The following SPEF2 variants were observed in gnomAD, a reference collection of about 807,000 sequenced individuals.
SPEF2 encodes sperm flagellar and cilia associated 2.
SPEF2 carries 187 observed loss-of-function variants against 224.6 expected under a neutral mutation model. That is an observed-to-expected ratio of 0.83 (90% CI 0.74 to 0.94). SPEF2 has a LOEUF of 0.94. Among genes scored for constraint, SPEF2 ranks in the 40% least tolerant of loss-of-function variants. SPEF2 has a pLI of 0.00. For synonymous variants in SPEF2, 715 were observed against 707.3 expected, an observed-to-expected ratio of 1.01 and a Z score of -0.17; for missense variants, 2,170 against 2,135.6, an observed-to-expected ratio of 1.02 and a Z score of -0.32.
intron 9 of SPEF2, among the ~76,000 whole-genome samples, chr5:35,669,546 G>T (rs889764682): frequency 1.3e-5 from 2 of 152,006 alleles, no homozygotes; most frequent in Non-Finnish European, 1.5e-5. Context: ...TTAAGTCCAG[G>T]TATTCCACTT....
Position 35,774,152 on chromosome 5 carries a change from C to T in SPEF2, c.4078+131C>T. ...CATACAGCAAAGAGGTTGAAAAGCA[C>T]AATATTCAGTTGACTGTTTTCGTTT... On this transcript the variant is annotated intron_variant, in intron 28 of 36. Coordinates refer to ENST00000356031, the MANE Select transcript of SPEF2 (RefSeq NM_024867.4). The T allele has an allele frequency of 3.2e-6, 4 of 1,249,984 alleles. No individual in the cohort carries two copies. In the South Asian group the frequency reaches 6.2e-5, roughly 19 times the overall value. 77.4% of individuals were successfully genotyped at this position (1,249,984 alleles called of 1,614,324 possible). A position where few individuals can be genotyped will look rare whatever the true frequency, so the allele number is the denominator to read the frequency against.
At chr5:35,657,495 G>A (rs1459888298) in intron 7 of SPEF2, among the ~76,000 whole-genome samples, 1 of 151,904 alleles carries the variant, frequency 6.6e-6, no homozygotes, top group Non-Finnish European at 1.5e-5. Context: ...GAATCGGGGG[G>A]GTGGTTTAAA....
chr5:35,666,660 G>C (rs573686766), intron 8 of SPEF2, among the ~76,000 whole-genome samples: 19 of 152,264 alleles, frequency 1.2e-4, no homozygotes, highest in Admixed American at 1.0e-3. Context: ...TATAGCAGAT[G>C]TGTCAAAATT....
chr5:35,695,123 A>G (rs1755108057), intron 13 of SPEF2, among the ~76,000 whole-genome samples: 2 of 152,186 alleles, frequency 1.3e-5, no homozygotes, highest in South Asian at 4.1e-4. Flanking sequence ...CTTTCTTAAG[A>G]GGACACTATC....
intron 26 of SPEF2, among the ~76,000 whole-genome samples, chr5:35,768,098 T>TA (rs555712780): frequency 2.6e-4 from 40 of 152,140 alleles, no homozygotes; most frequent in Non-Finnish European, 4.7e-4. Context: ...AATACTTAAC[T>TA]AGATTCTAAA....
At chr5:35,795,895 C>T (rs1306389579) in intron 33 of SPEF2, 100 bp downstream of exon 33, 3 of 955,800 alleles carry the variant, frequency 3.1e-6, no homozygotes, top group Non-Finnish European at 4.9e-6. Flanking sequence ...TGCACCCCTG[C>T]CCCTCAATTC....
chr5:35,766,391 G>A (rs1484245580), intron 26 of SPEF2, among the ~76,000 whole-genome samples: 1 of 151,968 alleles, frequency 6.6e-6, no homozygotes, highest in South Asian at 2.1e-4. Flanking sequence ...GTTTTTGGTA[G>A]ATATTATTTT....
At chr5:35,672,322 CATTATAA>C (rs1751313270) in intron 10 of SPEF2, among the ~76,000 whole-genome samples, 1 of 13,498 alleles carries the variant, frequency 7.4e-5, no homozygotes, top group Non-Finnish European at 1.4e-4. Flanking sequence ...ACATAATGTT[CATTATAA>C]TGTTATTGAA....
At chr5:35,674,243 G>C (rs181504197) in intron 10 of SPEF2, among the ~76,000 whole-genome samples, 10 of 151,594 alleles carry the variant, frequency 6.6e-5, no homozygotes, top group Non-Finnish European at 1.3e-4. Context: ...TGACTCCCCA[G>C]TGAGATCTTT....
At chr5:35,725,561 T>C (rs1052089430) in intron 20 of SPEF2, among the ~76,000 whole-genome samples, 8 of 152,176 alleles carry the variant, frequency 5.3e-5, no homozygotes, top group Admixed American at 5.2e-4. Flanking sequence ...GTTTTCCTAA[T>C]GTCCTCTCAT....
intron 32 of SPEF2, among the ~76,000 whole-genome samples, chr5:35,793,767 C>CAT (rs1756285653): frequency 6.7e-6 from 1 of 149,650 alleles, no homozygotes; most frequent in Non-Finnish European, 1.5e-5. Flanking sequence ...CACACACACA[C>CAT]AGGGAAAGGA....
chr5:35,644,452 C>T lies in SPEF2; in HGVS notation c.512C>T (p.Ala171Val), dbSNP rs373399609. Residue 171 changes from alanine (A) to valine (V), a missense_variant, in exon 4 of 37, where the codon GCC (alanine) becomes GTC (valine). By Grantham distance (64) the Ala-to-Val change is moderately conservative. Transcript: ENST00000356031. ...EKYKHVKEDLAHLHFEKLERF... is the reference protein window; with the variant it reads ...EKYKHVKEDLVHLHFEKLERF... ...TATAAACACGTGAAAGAAGATCTTG[C>T]CCATTTGCATTTTGAGAAACTTGAA... 9.3e-6 allele frequency: 15 copies of T among 1,610,666 alleles called. No individual in the cohort carries two copies. Among genetic ancestry groups the T allele is most frequent in the Non-Finnish European group, 1.3e-5 (15 of 1,178,818 alleles).
At position 35,695,751 on chromosome 5, in the gene SPEF2, AAC is replaced by A; in HGVS notation, c.1995_1996del (p.Pro666LysfsTer3). The A allele has an allele frequency of 6.2e-7, 1 of 1,610,800 alleles. No homozygotes were observed. The highest frequency in any genetic ancestry group is 1.1e-5 in the South Asian group (1 of 90,282). On this transcript the variant is annotated frameshift_variant, in exon 14 of 37. Coordinates refer to ENST00000356031, the MANE Select transcript of SPEF2 (RefSeq NM_024867.4). LOFTEE classifies it high-confidence loss of function. ...ETMLSANADK[T>X]PKAEEVKSSD... The stretch of plus-strand genomic sequence containing the variant: ...TATTGCTAGGTGCTAATGCTGATAA[AAC>A]ACCAAAAGCTGAAGAAGTCAAATCA...
At position 35,814,459 on chromosome 5, in the gene SPEF2, C is replaced by T; in HGVS notation, c.5380-5C>T. On this transcript the variant is annotated splice_polypyrimidine_tract_variant and splice_region_variant and intron_variant, in intron 36 of 36. Coordinates refer to ENST00000356031, the MANE Select transcript of SPEF2 (RefSeq NM_024867.4). ...TGTAACTTCTCTTTGAATCTTTTGT[C>T]TTAGGATATTAAAATAATTCTCCAA... is the stretch of plus-strand genomic sequence containing the variant. The T allele has an allele frequency of 6.4e-7, 1 of 1,568,270 alleles. No individual in the cohort carries two copies. The highest frequency in any genetic ancestry group is 1.1e-5 in the South Asian group (1 of 87,164).
chr5:35,780,982 A>G (rs1023938252), intron 30 of SPEF2, among the ~76,000 whole-genome samples: 1 of 152,066 alleles, frequency 6.6e-6, no homozygotes, highest in African/African-American at 2.4e-5. Context: ...TTAAAAATAA[A>G]TTTTAAAAAA....
intron 4 of SPEF2, among the ~76,000 whole-genome samples, chr5:35,644,876 C>T (rs77054927): frequency 1.3e-5 from 2 of 152,282 alleles, no homozygotes; most frequent in Non-Finnish European, 1.5e-5. Flanking sequence ...ACCATTGTCA[C>T]CACTGAGGGA....
intron 7 of SPEF2, among the ~76,000 whole-genome samples, chr5:35,655,396 T>C (rs993631148): frequency 4.6e-5 from 7 of 152,196 alleles, no homozygotes; most frequent in African/African-American, 9.6e-5. Context: ...CCCAGAGATA[T>C]GACAGAGAGC....
chr5:35,799,781 C>T (rs1757181015), intron 33 of SPEF2, among the ~76,000 whole-genome samples, 187 bp from the exon 34 acceptor site: 1 of 152,064 alleles, frequency 6.6e-6, no homozygotes, highest in African/African-American at 2.4e-5. Flanking sequence ...TATTTCAGGG[C>T]CCCACTTTTA....
At chr5:35,636,098 C>T (rs1387936707) in intron 2 of SPEF2, among the ~76,000 whole-genome samples, 1 of 152,090 alleles carries the variant, frequency 6.6e-6, no homozygotes, top group East Asian at 1.9e-4. Flanking sequence ...GTTGTTGCTG[C>T]TGCTTCTGCT....
Sources: gnomAD v4.1 joint callset for allele counts (sites outside exome capture counted in the v4.1 genomes callset) on GRCh38, gnomAD v4.1.1 for gene constraint, MANE v1.5 for transcripts, NCBI Gene and HGNC (gene_info 2026-07-23, HGNC 2026-07-21) for gene names.